LRP1B: variants seen among roughly 807,000 people sequenced by gnomAD.
The protein encoded by LRP1B is LDL receptor related protein 1B, also known as low-density lipoprotein receptor-related protein 1B.
Under a neutral mutation model 556.6 loss-of-function variants are expected in LRP1B, and 217 were observed. That is an observed-to-expected ratio of 0.39 (90% CI 0.35 to 0.44). The LOEUF (loss-of-function observed/expected upper bound fraction) is 0.44. Among genes scored for constraint, LRP1B ranks in the 20% least tolerant of loss-of-function variants. The pLI, the probability that LRP1B is intolerant of heterozygous loss-of-function variation, is 1.00. For synonymous variants in LRP1B, 2,047 were observed against 1,865.8 expected (o/e 1.10, Z -2.50); for missense variants, 5,053 against 5,620.8 (o/e 0.90, Z 3.23).
intron 2 of LRP1B, among the ~76,000 whole-genome samples, chr2:141,612,096 A>T (rs1688127026): frequency 6.6e-6 from 1 of 152,224 alleles, no homozygotes; most frequent in Non-Finnish European, 1.5e-5. Context: ...CACAAACAAC[A>T]AACCTTGTAA....
intron 1 of LRP1B, among the ~76,000 whole-genome samples, chr2:142,083,555 T>A (rs192987187): frequency 6.6e-6 from 1 of 152,228 alleles, no homozygotes; most frequent in African/African-American, 2.4e-5. Context: ...ATATGTATTT[T>A]ATGCTTGATA....
intron 41 of LRP1B, among the ~76,000 whole-genome samples, chr2:140,695,588 G>T (rs1326049110): frequency 6.6e-6 from 1 of 152,098 alleles, no homozygotes; most frequent in African/African-American, 2.4e-5. Flanking sequence ...TCAAAGAAAA[G>T]TCTATCTTGC....
At chr2:141,896,960 T>C (rs987326779) in intron 1 of LRP1B, among the ~76,000 whole-genome samples, 3 of 152,184 alleles carry the variant, frequency 2.0e-5, no homozygotes, top group African/African-American at 4.8e-5. Context: ...ATACCCAATC[T>C]TTCCCAATTG....
chr2:140,669,498 G>C (rs1026271588), intron 41 of LRP1B, among the ~76,000 whole-genome samples: 5 of 152,010 alleles, frequency 3.3e-5, no homozygotes, highest in African/African-American at 9.7e-5. Context: ...CCATGGAAGA[G>C]GAAATTAAAT....
At chr2:140,996,970 T>C (rs913169793) in intron 15 of LRP1B, among the ~76,000 whole-genome samples, 5 of 151,942 alleles carry the variant, frequency 3.3e-5, no homozygotes, top group African/African-American at 4.8e-5. Flanking sequence ...TTTAGTATAT[T>C]AACAAGTGAT....
intron 79 of LRP1B, among the ~76,000 whole-genome samples, chr2:140,328,436 T>G (rs887235630): frequency 6.6e-6 from 1 of 151,232 alleles, no homozygotes; most frequent in Admixed American, 6.6e-5. Flanking sequence ...TAAGATCTAC[T>G]AGTTCCCCAA....
rs529322450 is a variant in LRP1B, at chr2:140,649,939, A to G, written c.6800-48300T>C. Among the ~76,000 whole-genome samples, 16 of 152,342 alleles carry G rather than the reference A, an allele frequency of 1.1e-4. No homozygotes were observed. The South Asian group carries it at 3.1e-3, about 30-fold the overall frequency. On this transcript the variant is annotated intron_variant, in intron 41 of 90. Coordinates refer to ENST00000389484, the MANE Select transcript of LRP1B (RefSeq NM_018557.3). ...TGGTAAAAATATAAATCCTTGAAAC[A>G]TGTCATTCAATTTACTCTATCAACT... is the stretch of plus-strand genomic sequence containing the variant.
intron 62 of LRP1B, among the ~76,000 whole-genome samples, chr2:140,451,438 T>A (rs1165453306): frequency 1.3e-5 from 2 of 152,204 alleles, no homozygotes; most frequent in Non-Finnish European, 2.9e-5. Context: ...TTGAATTAAT[T>A]TAATTTAATT....
intron 41 of LRP1B, among the ~76,000 whole-genome samples, chr2:140,681,799 C>T (rs1048719794): frequency 1.1e-4 from 16 of 152,032 alleles, no homozygotes; most frequent in Non-Finnish European, 1.5e-4. Context: ...ATTCAAATCA[C>T]GTTTCTATCT....
intron 35 of LRP1B, among the ~76,000 whole-genome samples, chr2:140,733,823 G>A (rs1687857546): frequency 1.3e-5 from 2 of 152,076 alleles, no homozygotes; most frequent in Non-Finnish European, 1.5e-5. Context: ...ACTCTACTAT[G>A]GATAAATTAT....
chr2:142,091,897 A>C (rs1183612874), intron 1 of LRP1B, among the ~76,000 whole-genome samples: 1 of 152,202 alleles, frequency 6.6e-6, no homozygotes, highest in African/African-American at 2.4e-5. Context: ...TTTTCCTTCC[A>C]CATAAAAGGA....
chr2:142,089,229 C>A (rs1706068428), intron 1 of LRP1B, among the ~76,000 whole-genome samples: 1 of 23,446 alleles, frequency 4.3e-5, no homozygotes, highest in African/African-American at 1.8e-4. Flanking sequence ...TTTTCTGCAA[C>A]TATTTAAGAA....
chr2:140,625,190 CAAAT>C (rs1683611788), intron 41 of LRP1B, among the ~76,000 whole-genome samples: 1 of 151,902 alleles, frequency 6.6e-6, no homozygotes, highest in Admixed American at 6.6e-5. Flanking sequence ...GAAAGGTACT[CAAAT>C]AAACAAAGTA....
chr2:141,075,786 T>G (rs749231335), intron 7 of LRP1B, among the ~76,000 whole-genome samples: 6 of 152,202 alleles, frequency 3.9e-5, no homozygotes, highest in Non-Finnish European at 8.8e-5. Context: ...ACTGCTATGC[T>G]AATTACCAGT....
Position 140,929,118 on chromosome 2 carries a change from G to GA in LRP1B, c.3137-5972dup, listed in dbSNP as rs889434978. ...ATTTTACAAGACTTGAGTAGAAGTA[G>GA]AAAAAACAGATAAATGGGTTTCAGT... On this transcript the variant is annotated intron_variant, in intron 20 of 90. Transcript: ENST00000389484. Among the ~76,000 whole-genome samples the GA allele has an allele frequency of 3.3e-5, 5 of 152,166 alleles. No homozygotes were observed. In the East Asian group the frequency reaches 9.7e-4, roughly 29 times the overall value.
chr2:141,490,521 A>G (rs4296372), intron 2 of LRP1B, among the ~76,000 whole-genome samples: 148,131 of 152,050 alleles, frequency 0.97, 72,270 homozygotes, highest in East Asian at 1. Context: ...ATAAACACTT[A>G]GAATATAGAC....
intron 89 of LRP1B, among the ~76,000 whole-genome samples, chr2:140,237,301 A>G (rs1027303436): frequency 8.6e-5 from 13 of 151,000 alleles, no homozygotes; most frequent in Non-Finnish European, 1.9e-4. Flanking sequence ...ATATATGACA[A>G]TATCATCCAG....
intron 49 of LRP1B, among the ~76,000 whole-genome samples, chr2:140,525,183 T>G (rs558696746): frequency 6.6e-6 from 1 of 151,892 alleles, no homozygotes; most frequent in Admixed American, 6.6e-5. Flanking sequence ...GAGACAAAAT[T>G]TAATAGTGTC....
At chr2:141,224,106 A>G (rs2105282455) in intron 6 of LRP1B, among the ~76,000 whole-genome samples, 1 of 152,024 alleles carries the variant, frequency 6.6e-6, no homozygotes, top group South Asian at 2.1e-4. Context: ...ATCCTACAGA[A>G]TGGAAGACAA....
Sources: allele counts gnomAD v4.1 joint callset (sites outside exome capture counted in the v4.1 genomes callset), GRCh38; gene constraint gnomAD v4.1.1; transcripts MANE v1.5; gene names NCBI Gene and HGNC (gene_info 2026-07-23, HGNC 2026-07-21).